FRMD3: variants seen among roughly 807,000 people sequenced by gnomAD.
The protein encoded by FRMD3 is FERM domain-containing protein 3.
Under a neutral mutation model 70.2 loss-of-function variants are expected in FRMD3, and 33 were observed. The observed-to-expected ratio is 0.47, with a 90% CI of 0.36 to 0.63. FRMD3 has a LOEUF of 0.63. FRMD3 is among the 20% of genes least tolerant of loss of function. FRMD3 has a pLI of 0.00. For missense variants in FRMD3, 632 were observed against 711.4 expected, an observed-to-expected ratio of 0.89 and a Z score of 1.27; for synonymous variants, 279 against 255.9, an observed-to-expected ratio of 1.09 and a Z score of -0.86.
In FRMD3 at chr9:83,446,388, A is replaced by C. The variant is rs549118852; in HGVS notation, c.148-56680T>G. 4.1e-3 allele frequency among the ~76,000 whole-genome samples: 616 copies of C among 151,660 alleles called. 3 individuals are homozygous for C. The highest frequency in any genetic ancestry group is 7.6e-3 in the East Asian group (39 of 5,156). ...GTTGGCCGGGCGCGGTGGCTCACGC[A>C]TGTAATCCCAGCACTTTCGGAGGCC... On this transcript the variant is annotated intron_variant, in intron 1 of 13. Coordinates refer to ENST00000304195, the MANE Select transcript of FRMD3 (RefSeq NM_174938.6).
chr9:83,371,663 A>G (rs907187800), intron 3 of FRMD3, among the ~76,000 whole-genome samples: 2 of 152,048 alleles, frequency 1.3e-5, no homozygotes, highest in African/African-American at 2.4e-5. Context: ...TCTTGCCCCA[A>G]TTCTGCTCCA....
intron 1 of FRMD3, among the ~76,000 whole-genome samples, chr9:83,432,414 G>A (rs374165247): frequency 1.4e-4 from 21 of 152,228 alleles, no homozygotes; most frequent in South Asian, 1.2e-3. Context: ...TGGGTGGCCC[G>A]GGAGGAATGT....
intron 4 of FRMD3, among the ~76,000 whole-genome samples, chr9:83,348,871 T>A (rs1165547067): frequency 6.6e-6 from 1 of 152,148 alleles, no homozygotes; most frequent in Non-Finnish European, 1.5e-5. Context: ...AGACCCTGGA[T>A]AATAACAAGG....
intron 10 of FRMD3, among the ~76,000 whole-genome samples, chr9:83,303,014 C>T (rs965195276): frequency 6.6e-6 from 1 of 152,190 alleles, no homozygotes; most frequent in Admixed American, 6.5e-5. Flanking sequence ...AGCACACCTC[C>T]CCTCTCCCCA....
intron 1 of FRMD3, among the ~76,000 whole-genome samples, chr9:83,489,762 T>C (rs1828774575): frequency 6.6e-6 from 1 of 152,198 alleles, no homozygotes. Flanking sequence ...CAAATATCTG[T>C]AGAAAAAATC....
intron 1 of FRMD3, among the ~76,000 whole-genome samples, chr9:83,438,462 C>G (rs1269635823): frequency 5.3e-5 from 8 of 151,960 alleles, no homozygotes; most frequent in Non-Finnish European, 1.2e-4. Flanking sequence ...CTCTCTCGCC[C>G]AGGCTGGAGT....
chr9:83,378,406 T>C (rs1234911825), intron 2 of FRMD3, among the ~76,000 whole-genome samples: 1 of 146,888 alleles, frequency 6.8e-6, no homozygotes, highest in African/African-American at 2.5e-5. Context: ...GCCTCCAGAG[T>C]ATCTGGGACT....
intron 6 of FRMD3, among the ~76,000 whole-genome samples, chr9:83,323,476 T>C (rs1835887149): frequency 6.6e-6 from 1 of 152,150 alleles, no homozygotes; most frequent in Non-Finnish European, 1.5e-5. Flanking sequence ...TATTAAGAGG[T>C]GAGGCTTTTA....
chr9:83,438,465 G>C (rs1827202292), intron 1 of FRMD3, among the ~76,000 whole-genome samples: 1 of 151,904 alleles, frequency 6.6e-6, no homozygotes, highest in Non-Finnish European at 1.5e-5. Context: ...TCTCGCCCAG[G>C]CTGGAGTGCA....
In FRMD3 at chr9:83,423,490, C is replaced by G. The variant is rs373884796; in HGVS notation, c.148-33782G>C. On this transcript the variant is annotated intron_variant, in intron 1 of 13. Coordinates refer to ENST00000304195, the MANE Select transcript of FRMD3 (RefSeq NM_174938.6). ...CTATAAGCAAAGCCTCCTAGAGTCT[C>G]ATATGGTGCTGCCCCAATTTGGTAG... Among the ~76,000 whole-genome samples, 109 of 150,034 alleles carry G rather than the reference C, an allele frequency of 7.3e-4. 2 individuals carry two copies. In the South Asian group the frequency reaches 0.023, roughly 32 times the overall value.
At chr9:83,315,360 G>A (rs1454122195) in intron 6 of FRMD3, among the ~76,000 whole-genome samples, 2 of 152,078 alleles carry the variant, frequency 1.3e-5, no homozygotes, top group Non-Finnish European at 2.9e-5. Context: ...GGGAAGAGTG[G>A]GATGTGCCGT....
At chr9:83,371,921 C>G (rs549268330) in intron 3 of FRMD3, among the ~76,000 whole-genome samples, 1 of 152,176 alleles carries the variant, frequency 6.6e-6, no homozygotes, top group African/African-American at 2.4e-5. Flanking sequence ...AGAAGAGATA[C>G]GCTGCCTGCT....
intron 6 of FRMD3, among the ~76,000 whole-genome samples, chr9:83,317,438 C>T (rs183902946): frequency 1.7e-4 from 26 of 152,076 alleles, no homozygotes; most frequent in Non-Finnish European, 3.1e-4. Flanking sequence ...GGTGATCCTC[C>T]CAGTTTACTT....
At chr9:83,299,230 TC>T in intron 10 of FRMD3, 44 bp from the exon 11 acceptor site, 1 of 1,313,658 alleles carries the variant, frequency 7.6e-7, no homozygotes, top group Non-Finnish European at 1.1e-6. Context: ...CATTGGAAAG[TC>T]CACTTACAAC....
chr9:83,528,213 G>A (rs1468847157), intron 1 of FRMD3, among the ~76,000 whole-genome samples: 1 of 152,102 alleles, frequency 6.6e-6, no homozygotes, highest in Non-Finnish European at 1.5e-5. Flanking sequence ...GATTCAGTTA[G>A]AGAGCAAGTG....
intron 12 of FRMD3, among the ~76,000 whole-genome samples, chr9:83,295,964 T>C (rs1258828985): frequency 6.6e-6 from 1 of 152,194 alleles, no homozygotes; most frequent in Non-Finnish European, 1.5e-5. Flanking sequence ...TGCTTCTGTT[T>C]CTCTACATAA....
At chr9:83,465,051 AGC>A (rs61300491) in intron 1 of FRMD3, among the ~76,000 whole-genome samples, 57,020 of 149,224 alleles carry the variant, frequency 0.38, 11,334 homozygotes, top group Middle Eastern at 0.49. Flanking sequence ...AAGAAGAAGC[AGC>A]AGCTTAATGA....
At chr9:83,324,338 A>C (rs1835926816) in intron 6 of FRMD3, among the ~76,000 whole-genome samples, 2 of 152,190 alleles carry the variant, frequency 1.3e-5, no homozygotes, top group African/African-American at 4.8e-5. Context: ...AAGTGTACCT[A>C]TGGGAGGAGA....
At chr9:83,323,360 G>C (rs1006004555) in intron 6 of FRMD3, among the ~76,000 whole-genome samples, 8 of 152,196 alleles carry the variant, frequency 5.3e-5, no homozygotes, top group African/African-American at 1.9e-4. Context: ...GCTATGAGAT[G>C]AATGAATATC....
Sources: gnomAD v4.1 joint callset for allele counts (sites outside exome capture counted in the v4.1 genomes callset) on GRCh38, gnomAD v4.1.1 for gene constraint, MANE v1.5 for transcripts, NCBI Gene and HGNC (gene_info 2026-07-23, HGNC 2026-07-21) for gene names.